NECAB1: variants seen among roughly 807,000 people sequenced by gnomAD.
The protein encoded by NECAB1 is N-terminal EF-hand calcium binding protein 1, also known as N-terminal EF-hand calcium-binding protein 1.
NECAB1 carries 29 observed loss-of-function variants against 57.5 expected under a neutral mutation model. That is an observed-to-expected ratio of 0.50 (90% confidence interval 0.38 to 0.69). NECAB1 has a LOEUF of 0.69. Among genes scored for constraint, NECAB1 ranks in the 30% least tolerant of loss-of-function variants. The pLI is 0.00. For synonymous variants in NECAB1, 142 were observed against 147.7 expected, an observed-to-expected ratio of 0.96 and a Z score of 0.28; for missense variants, 372 against 413.8, an observed-to-expected ratio of 0.90 and a Z score of 0.88.
chr8:90,808,853 G>A (rs902826380), intron 2 of NECAB1, among the ~76,000 whole-genome samples: 3 of 151,872 alleles, frequency 2.0e-5, no homozygotes, highest in African/African-American at 7.3e-5. Flanking sequence ...CACCATGCTG[G>A]TCAGGCTGGT....
At chr8:90,803,940 CCT>C (rs1811807207) in intron 2 of NECAB1, among the ~76,000 whole-genome samples, 1 of 152,202 alleles carries the variant, frequency 6.6e-6, no homozygotes, top group Non-Finnish European at 1.5e-5. Context: ...CCACCCTCTC[CCT>C]GTGTTCTCAG....
intron 6 of NECAB1, among the ~76,000 whole-genome samples, chr8:90,923,419 A>T (rs894392579): frequency 1.3e-5 from 2 of 152,188 alleles, no homozygotes; most frequent in African/African-American, 2.4e-5. Context: ...TCTTTGAGGG[A>T]TCTGATTAAT....
At chr8:90,839,773 G>C (rs79684419) in intron 3 of NECAB1, among the ~76,000 whole-genome samples, 9 of 152,094 alleles carry the variant, frequency 5.9e-5, no homozygotes, top group South Asian at 2.1e-4. Context: ...AGCCAAGAGG[G>C]GACCTAACTG....
chr8:90,943,583 A>G (rs1008864630), intron 10 of NECAB1, among the ~76,000 whole-genome samples: 1 of 152,152 alleles, frequency 6.6e-6, no homozygotes, highest in Non-Finnish European at 1.5e-5. Flanking sequence ...TCATGCTCCA[A>G]TGCACCCAGC....
At chr8:90,917,732 T>A (rs1170264028) in intron 6 of NECAB1, 104 bp downstream of exon 6, 2 of 1,105,448 alleles carry the variant, frequency 1.8e-6, no homozygotes, top group African/African-American at 3.2e-5. Context: ...AAAAAGAGAA[T>A]TGATATATTT....
At chr8:90,909,981 C>A (rs1194152787) in intron 5 of NECAB1, among the ~76,000 whole-genome samples, 1 of 151,960 alleles carries the variant, frequency 6.6e-6, no homozygotes, top group Non-Finnish European at 1.5e-5. Flanking sequence ...CCTCTCAAAT[C>A]CCTTTTATTT....
chr8:90,959,089 A>T lies in NECAB1; in HGVS notation c.*3577A>T. 1 of 803,300 alleles carries T rather than the reference A, an allele frequency of 1.2e-6. No individual in the cohort carries two copies. Among genetic ancestry groups the T allele is most frequent in the Non-Finnish European group, 1.9e-6 (1 of 521,112 alleles). 49.8% of individuals were successfully genotyped at this position (803,300 alleles called of 1,614,324 possible). A position where few individuals can be genotyped will look rare whatever the true frequency, so the allele number is the denominator to read the frequency against. Reference sequence around the variant, plus strand: ...TGATTGAATACAGTTTTTACTAATTAGTTTATCAAACCAAATACTGTGAAC... The same window carrying T: ...TGATTGAATACAGTTTTTACTAATTTGTTTATCAAACCAAATACTGTGAAC... On this transcript the variant is annotated 3_prime_UTR_variant, in exon 13 of 13. Transcript: ENST00000417640.
intron 5 of NECAB1, among the ~76,000 whole-genome samples, chr8:90,915,525 G>A (rs1809929092): frequency 6.6e-6 from 1 of 152,096 alleles, no homozygotes; most frequent in South Asian, 2.1e-4. Flanking sequence ...TAAAGACATT[G>A]CAATTTTTAA....
At position 90,958,438 on chromosome 8, in the gene NECAB1, G is replaced by A. The variant is rs1377054548; in HGVS notation, c.*2926G>A. ...AGACCATATTATTATCAAAAACCTAGAGACCAATCATATATCTGAAAAGAA... is the reference window on the plus strand; with the variant it reads ...AGACCATATTATTATCAAAAACCTAAAGACCAATCATATATCTGAAAAGAA... On this transcript the variant is annotated 3_prime_UTR_variant, in exon 13 of 13. Coordinates refer to ENST00000417640, the MANE Select transcript of NECAB1 (RefSeq NM_022351.5). 1 of 151,336 alleles carries A rather than the reference G, an allele frequency of 6.6e-6. No homozygotes were observed. The highest frequency in any genetic ancestry group is 2.4e-5 in the African/African-American group (1 of 41,300). The allele number at this position is 151,336 out of a possible 1,614,324, so 9.4% of individuals were successfully genotyped here.
At chr8:90,898,744 T>C (rs577561325) in intron 5 of NECAB1, among the ~76,000 whole-genome samples, 7 of 152,348 alleles carry the variant, frequency 4.6e-5, no homozygotes, top group African/African-American at 1.7e-4. Context: ...ATTATCTCAA[T>C]TAGTCTTTTA....
chr8:90,937,882 TTCCTAA>T (rs1205050490), intron 9 of NECAB1, among the ~76,000 whole-genome samples: 2 of 152,146 alleles, frequency 1.3e-5, no homozygotes, highest in African/African-American at 2.4e-5. Context: ...CTGCCATACA[TTCCTAA>T]GGGTTTGGGG....
intron 10 of NECAB1, among the ~76,000 whole-genome samples, chr8:90,945,069 T>G (rs1810767344): frequency 6.6e-6 from 1 of 151,888 alleles, no homozygotes; most frequent in Non-Finnish European, 1.5e-5. Flanking sequence ...GGCTAATTTA[T>G]TTATTTTTTT....
intron 5 of NECAB1, among the ~76,000 whole-genome samples, chr8:90,895,069 T>A (rs1809289084): frequency 1.3e-5 from 2 of 152,108 alleles, no homozygotes; most frequent in African/African-American, 2.4e-5. Context: ...AAGCTGCTGC[T>A]TATGGGAACA....
At chr8:90,806,141 T>C (rs1400914917) in intron 2 of NECAB1, among the ~76,000 whole-genome samples, 1 of 152,176 alleles carries the variant, frequency 6.6e-6, no homozygotes, top group Non-Finnish European at 1.5e-5. Context: ...TCTTGTTGAT[T>C]TGCACTTGCT....
intron 3 of NECAB1, among the ~76,000 whole-genome samples, chr8:90,854,236 A>G (rs945871245): frequency 5.3e-5 from 8 of 152,172 alleles, no homozygotes; most frequent in Admixed American, 2.6e-4. Context: ...TGGTTCATCA[A>G]TCATGAGGAA....
intron 3 of NECAB1, among the ~76,000 whole-genome samples, chr8:90,831,708 T>C (rs184098564): frequency 6.6e-6 from 1 of 152,252 alleles, no homozygotes; most frequent in Admixed American, 6.5e-5. Context: ...ATGCCTCTGA[T>C]GCCCTTCTTT....
intron 3 of NECAB1, among the ~76,000 whole-genome samples, chr8:90,840,570 CT>C (rs1237356195): frequency 6.6e-6 from 1 of 152,188 alleles, no homozygotes; most frequent in African/African-American, 2.4e-5. Context: ...TTTTTTATTG[CT>C]TTACTATCCC....
rs138958844 is a variant in NECAB1 at position 90,954,488 on chromosome 8, T to C, written c.1031-999T>C. On this transcript the variant is annotated intron_variant, in intron 12 of 12. Coordinates refer to ENST00000417640, the MANE Select transcript of NECAB1 (RefSeq NM_022351.5). Reference sequence around the variant, plus strand: ...TGGTAATAACAGAAAAACCTACGGTTATGGGAAAACAGGATACAAAAAAAA... The same window carrying C: ...TGGTAATAACAGAAAAACCTACGGTCATGGGAAAACAGGATACAAAAAAAA... Among the ~76,000 whole-genome samples the C allele has an allele frequency of 1.7e-3, 261 of 152,024 alleles. 1 individual carries two copies. Among genetic ancestry groups the C allele is most frequent in the African/African-American group, 6.0e-3 (250 of 41,484 alleles).
In NECAB1 at chr8:90,949,819, G is replaced by A; in HGVS notation, c.873G>A (p.Gln291=). Reference sequence around the variant, plus strand: ...TTTTCCATTTCAGTATTTCTATACAGAAGCTTTCAAATGAATCTCGCTACA... The same window carrying A: ...TTTTCCATTTCAGTATTTCTATACAAAAGCTTTCAAATGAATCTCGCTACA... The part of the protein sequence containing the change: ...SQSGCLRISI[Q]KLSNESRYMI... The change falls in exon 11 of 13, where the codon CAG becomes CAA. Residue 291 remains glutamine (Q), a synonymous_variant. Coordinates refer to ENST00000417640, the MANE Select transcript of NECAB1 (RefSeq NM_022351.5). The A allele has an allele frequency of 6.2e-7, 1 of 1,601,982 alleles. No homozygotes were observed. Among genetic ancestry groups the A allele is most frequent in the Non-Finnish European group, 8.5e-7 (1 of 1,171,036 alleles).
Sources: allele counts gnomAD v4.1 joint callset (sites outside exome capture counted in the v4.1 genomes callset), GRCh38; gene constraint gnomAD v4.1.1; transcripts MANE v1.5; gene names NCBI Gene and HGNC (gene_info 2026-07-23, HGNC 2026-07-21).